Variants in FOXN4 observed in about 807,000 individuals in gnomAD.
The protein encoded by FOXN4 is forkhead box protein N4.
In FOXN4, 12 loss-of-function variants were observed where a neutral mutation model predicts 45.0. The observed-to-expected ratio is 0.27, with a 90% confidence interval of 0.17 to 0.43. The LOEUF (loss-of-function observed/expected upper bound fraction) is 0.43. FOXN4 is among the 20% of genes least tolerant of loss of function. The probability of loss-of-function intolerance (pLI) is 1.00; values close to 1 mark genes in which losing one functional copy is unlikely to be tolerated. For synonymous variants in FOXN4, 297 were observed against 295.0 expected (o/e 1.01, Z -0.07); for missense variants, 560 against 694.9 (o/e 0.81, Z 2.18).
At chr12:109,285,605 C>T (rs145365923) in intron 7 of FOXN4, 94 bp from the exon 8 acceptor site, 84 of 1,300,924 alleles carry the variant, frequency 6.5e-5, no homozygotes, top group African/African-American at 1.0e-4. Flanking sequence ...CAGGACACCG[C>T]GGTGGCAGGA....
Position 109,291,492 on chromosome 12 carries a change from G to A in FOXN4, c.87-1206C>T, listed in dbSNP as rs572334560. On this transcript the variant is annotated intron_variant, in intron 2 of 9. Coordinates refer to ENST00000299162, the MANE Select transcript of FOXN4 (RefSeq NM_213596.3). The surrounding 1 kb of genome is among the most constrained non-coding windows in gnomAD (Gnocchi z 6.6). The stretch of plus-strand genomic sequence containing the variant: ...CCGACCCATCCTGCCCTGGTTTTCT[G>A]CGCCTCTCGGAGGCTCCAGCAAAGC... Among the ~76,000 whole-genome samples, 23 of 152,176 alleles carry A rather than the reference G, an allele frequency of 1.5e-4. No homozygotes were observed. The highest frequency in any genetic ancestry group is 7.4e-5 in the Non-Finnish European group (5 of 67,978).
intron 2 of FOXN4, among the ~76,000 whole-genome samples, chr12:109,294,168 G>A (rs573232972): frequency 2.3e-4 from 35 of 152,272 alleles, no homozygotes; most frequent in African/African-American, 8.2e-4. Flanking sequence ...AAAATGCAGA[G>A]TTGGGGCCCC....
rs138453120 is a variant in FOXN4, at chr12:109,281,695, C to G, written c.1006G>C (p.Val336Leu). The G allele has an allele frequency of 1.9e-6, 3 of 1,610,806 alleles. No homozygotes were observed. The highest frequency in any genetic ancestry group is 3.4e-5 in the Admixed American group (2 of 59,666). Residue 336 changes from valine to leucine, a missense_variant, in exon 9 of 10, where the codon GTG becomes CTG. By Grantham distance (32) the Val-to-Leu change is conservative. Transcript: ENST00000299162. The part of the protein sequence containing the change: ...PVLTHATTVA[V>L]AHGCLAVSQL... ...GAGACAGCCAGGCAGCCATGCGCCACGGCCACTGTGGTGGCGTGAGTCAGC... is the reference window on the plus strand; with the variant it reads ...GAGACAGCCAGGCAGCCATGCGCCAGGGCCACTGTGGTGGCGTGAGTCAGC...
chr12:109,283,208 C>A (rs2047669403), intron 8 of FOXN4, among the ~76,000 whole-genome samples: 3 of 151,922 alleles, frequency 2.0e-5, no homozygotes, highest in African/African-American at 7.3e-5. Context: ...AATCCTTTTT[C>A]TAATTAGGAA....
chr12:109,287,597 A>G lies in FOXN4; in HGVS notation c.469-73T>C. The G allele has an allele frequency of 6.9e-7, 1 of 1,457,352 alleles. No individual in the cohort carries two copies. The highest frequency in any genetic ancestry group is 9.1e-7 in the Non-Finnish European group (1 of 1,099,304). 90.3% of individuals were successfully genotyped at this position (1,457,352 alleles called of 1,614,324 possible). ...GTGAGAAATAACATACGTCACTCAC[A>G]GTAACACTGTCCCCACCCCAGTTTC... On this transcript the variant is annotated intron_variant, in intron 5 of 9. Transcript: ENST00000299162. The surrounding 1 kb of genome is among the most constrained non-coding windows in gnomAD (Gnocchi z 4.1).
intron 2 of FOXN4, among the ~76,000 whole-genome samples, chr12:109,292,236 G>A (rs997021113): frequency 6.6e-6 from 1 of 152,174 alleles, no homozygotes; most frequent in Non-Finnish European, 1.5e-5. Flanking sequence ...GCTTGGCACT[G>A]CGGTAACAAG....
chr12:109,292,874 G>A (rs748377669), intron 2 of FOXN4, among the ~76,000 whole-genome samples: 23 of 152,206 alleles, frequency 1.5e-4, no homozygotes, highest in Non-Finnish European at 2.8e-4. Context: ...AGGATTACAC[G>A]AAGTCACGTA....
intron 1 of FOXN4, among the ~76,000 whole-genome samples, 193 bp from the exon 2 acceptor site, chr12:109,308,517 G>GT (rs769310553): frequency 1.3e-5 from 2 of 152,052 alleles, no homozygotes; most frequent in Non-Finnish European, 2.9e-5. Flanking sequence ...ATTCTACAGC[G>GT]TTTTAGAAAC....
chr12:109,281,818 G>C lies in FOXN4; in HGVS notation c.902-19C>G, dbSNP rs772748083. 3.9e-6 allele frequency: 6 copies of C among 1,547,788 alleles called. No individual in the cohort carries two copies. Among genetic ancestry groups the C allele is most frequent in the Non-Finnish European group, 5.2e-6 (6 of 1,151,742 alleles). ...AACTCCTCTGCAGGCAAGTGGGAGA[G>C]GTCACTCAGAACCCACCCAGCAGTT... On this transcript the variant is annotated intron_variant, in intron 8 of 9. Coordinates refer to ENST00000299162, the MANE Select transcript of FOXN4 (RefSeq NM_213596.3).
At chr12:109,304,700 G>A (rs1476970074) in intron 2 of FOXN4, among the ~76,000 whole-genome samples, 1 of 152,234 alleles carries the variant, frequency 6.6e-6, no homozygotes, top group South Asian at 2.1e-4. Context: ...CTCAGCCCCA[G>A]GGGGATGGAG....
chr12:109,292,602 T>C (rs2047779636), intron 2 of FOXN4, among the ~76,000 whole-genome samples: 2 of 152,208 alleles, frequency 1.3e-5, no homozygotes, highest in African/African-American at 2.4e-5. Context: ...TCACGGTCAA[T>C]GTAATATGAA....
Position 109,288,966 on chromosome 12 carries a change from T to C in FOXN4, c.233-786A>G, listed in dbSNP as rs1376769165. On this transcript the variant is annotated intron_variant, in intron 3 of 9. Transcript: ENST00000299162. The surrounding 1 kb of genome is among the most constrained non-coding windows in gnomAD (Gnocchi z 4.3). ...TTCTAAGAACTGGGACCACAACTTA[T>C]ATCATTCATTGCTCCAAATGCCTGG... Among the ~76,000 whole-genome samples, 2 of 152,198 alleles carry C rather than the reference T, an allele frequency of 1.3e-5. No individual in the cohort carries two copies. Among genetic ancestry groups the C allele is most frequent in the African/African-American group, 4.8e-5 (2 of 41,436 alleles).
intron 2 of FOXN4, among the ~76,000 whole-genome samples, chr12:109,300,721 C>CTGT (rs2047861229): frequency 6.6e-6 from 1 of 152,088 alleles, no homozygotes; most frequent in Non-Finnish European, 1.5e-5. Flanking sequence ...CCAGCCTGGA[C>CTGT]AACATACTGA....
chr12:109,308,681 C>T (rs2047942086), intron 1 of FOXN4, among the ~76,000 whole-genome samples: 1 of 152,070 alleles, frequency 6.6e-6, no homozygotes. Flanking sequence ...TATTTTCAAC[C>T]TCAGTTTGGT....
At chr12:109,305,503 A>T (rs2047913519) in intron 2 of FOXN4, among the ~76,000 whole-genome samples, 1 of 152,068 alleles carries the variant, frequency 6.6e-6, no homozygotes, top group Non-Finnish European at 1.5e-5. Context: ...GGTCGAGGCA[A>T]GTGGATCACT....
chr12:109,302,789 G>A (rs1460389623), intron 2 of FOXN4, among the ~76,000 whole-genome samples: 2 of 152,146 alleles, frequency 1.3e-5, no homozygotes, highest in Non-Finnish European at 2.9e-5. Context: ...CTACCTGCGC[G>A]GCAACTCCGC....
At chr12:109,283,358 C>T (rs1455862672) in intron 8 of FOXN4, among the ~76,000 whole-genome samples, 1 of 152,082 alleles carries the variant, frequency 6.6e-6, no homozygotes, top group African/African-American at 2.4e-5. Context: ...CACTCGCTCT[C>T]TCTCAGATAC....
intron 7 of FOXN4, 147 bp from the exon 8 acceptor site, chr12:109,285,658 C>G (rs750715727): frequency 7.2e-5 from 61 of 851,158 alleles, no homozygotes; most frequent in Non-Finnish European, 1.0e-4. Flanking sequence ...GTTGGAGAGA[C>G]AAGAGAGAGT....
In FOXN4 at chr12:109,307,280, A is replaced by G. The variant is rs557364605; in HGVS notation, c.86+956T>C. On this transcript the variant is annotated intron_variant, in intron 2 of 9. Transcript: ENST00000299162. ...GTAAACAGGGCTGATAGGAGGTGAC[A>G]GCCTGCTCTTCCCAGGCCAGCCCTG... Among the ~76,000 whole-genome samples the G allele has an allele frequency of 3.3e-5, 5 of 152,288 alleles. 1 individual carries two copies. Among genetic ancestry groups the G allele is most frequent in the Admixed American group, 2.6e-4 (4 of 15,292 alleles).
Sources: allele counts gnomAD v4.1 joint callset (sites outside exome capture counted in the v4.1 genomes callset), GRCh38; gene constraint gnomAD v4.1.1; non-coding constraint Gnocchi (gnomAD v3.1); transcripts MANE v1.5; gene names NCBI Gene and HGNC (gene_info 2026-07-23, HGNC 2026-07-21).